Variants in VAT1L observed in about 807,000 individuals in gnomAD.
The protein encoded by VAT1L is vesicle amine transport 1 like, also known as putative NADPH-dependent quinone oxidoreductase VAT1L.
A neutral mutation model predicts 44.1 loss-of-function variants in VAT1L; 34 were observed. That is an observed-to-expected ratio of 0.77 (90% CI 0.59 to 1.03). The LOEUF (loss-of-function observed/expected upper bound fraction) is 1.03. Ranked by LOEUF, VAT1L falls within the 50% of genes least tolerant of loss-of-function variation. The pLI is 0.00. For missense variants in VAT1L, 615 were observed against 538.8 expected (o/e 1.14, Z -1.40); for synonymous variants, 253 against 202.2 (o/e 1.25, Z -2.13).
chr16:77,973,104 A>G (rs1035840556), intron 8 of VAT1L, among the ~76,000 whole-genome samples: 6 of 152,116 alleles, frequency 3.9e-5, no homozygotes, highest in Admixed American at 3.3e-4. Flanking sequence ...AGGAGGAACT[A>G]TGTAGTGGTG....
intron 7 of VAT1L, among the ~76,000 whole-genome samples, chr16:77,939,156 C>T (rs747332642): frequency 2.6e-5 from 4 of 152,210 alleles, no homozygotes; most frequent in Admixed American, 6.5e-5. Flanking sequence ...AAACAGAATT[C>T]GTGACGACCT....
rs763073404 is a variant in VAT1L at position 77,928,817 on chromosome 16, CGTTT to C, written c.1078-43020_1078-43017del. 5.9e-5 allele frequency among the ~76,000 whole-genome samples: 9 copies of C among 151,428 alleles called. No homozygotes were observed. In the South Asian group the frequency reaches 6.3e-4, roughly 11 times the overall value. ...TCACTGTGCCAGTATGCTCTATTTTCGTTTGTTTGTTTGTTTTTGAGATGGAGTC... is the reference window on the plus strand; with the variant it reads ...TCACTGTGCCAGTATGCTCTATTTTCGTTTGTTTGTTTTTGAGATGGAGTC... On this transcript the variant is annotated intron_variant, in intron 7 of 8. Coordinates refer to ENST00000302536, the MANE Select transcript of VAT1L (RefSeq NM_020927.3).
chr16:77,971,690 T>G (rs909778794), intron 7 of VAT1L, among the ~76,000 whole-genome samples, 160 bp from the exon 8 acceptor site: 2 of 152,148 alleles, frequency 1.3e-5, no homozygotes, highest in Admixed American at 6.5e-5. Flanking sequence ...CCAACCAGAA[T>G]GTAGTTGCAC....
At chr16:77,964,437 G>C (rs1364762230) in intron 7 of VAT1L, among the ~76,000 whole-genome samples, 1 of 151,928 alleles carries the variant, frequency 6.6e-6, no homozygotes, top group Non-Finnish European at 1.5e-5. Flanking sequence ...CCCCCAGCAA[G>C]GGCATCACTC....
intron 7 of VAT1L, among the ~76,000 whole-genome samples, chr16:77,915,069 G>A (rs930594468): frequency 6.6e-6 from 1 of 152,068 alleles, no homozygotes; most frequent in South Asian, 2.1e-4. Flanking sequence ...AGGTTGCGGT[G>A]AGCCGAGATT....
chr16:77,918,552 G>A (rs1332455119), intron 7 of VAT1L, among the ~76,000 whole-genome samples: 4 of 152,026 alleles, frequency 2.6e-5, no homozygotes, highest in Non-Finnish European at 5.9e-5. Flanking sequence ...TCATGTCGCT[G>A]TGATCAACAC....
intron 7 of VAT1L, among the ~76,000 whole-genome samples, chr16:77,948,387 T>C (rs1392521301): frequency 1.3e-5 from 2 of 152,120 alleles, no homozygotes; most frequent in African/African-American, 4.8e-5. Context: ...TCCTAGGAAA[T>C]CCAAACCCCT....
intron 7 of VAT1L, among the ~76,000 whole-genome samples, chr16:77,917,302 C>G (rs2142490781): frequency 6.6e-6 from 1 of 152,274 alleles, no homozygotes; most frequent in African/African-American, 2.4e-5. Context: ...CCATCCTGAG[C>G]TCTAAGATGT....
chr16:77,911,720 GT>G (rs1597095224), intron 7 of VAT1L, among the ~76,000 whole-genome samples: 1 of 152,102 alleles, frequency 6.6e-6, no homozygotes, highest in East Asian at 1.9e-4. Context: ...GTCCACACGA[GT>G]GTACACAAGG....
At chr16:77,833,607 T>C (rs1489315682) in intron 3 of VAT1L, among the ~76,000 whole-genome samples, 1 of 151,912 alleles carries the variant, frequency 6.6e-6, no homozygotes, top group Admixed American at 6.6e-5. Flanking sequence ...AAAAATTAGC[T>C]GGGCATGGTG....
chr16:77,894,567 T>C (rs1160388533), intron 7 of VAT1L, among the ~76,000 whole-genome samples: 1 of 151,986 alleles, frequency 6.6e-6, no homozygotes, highest in Non-Finnish European at 1.5e-5. Flanking sequence ...TTGGAGAGAA[T>C]GGAGAGGAAC....
chr16:77,842,163 A>T (rs2016713974), intron 3 of VAT1L, among the ~76,000 whole-genome samples: 1 of 152,226 alleles, frequency 6.6e-6, no homozygotes, highest in South Asian at 2.1e-4. Flanking sequence ...CTGGGATTAC[A>T]GGCGTGAGCC....
intron 1 of VAT1L, among the ~76,000 whole-genome samples, chr16:77,797,700 A>C (rs976625669): frequency 2.0e-5 from 3 of 152,054 alleles, no homozygotes; most frequent in African/African-American, 7.2e-5. Context: ...AGCAGAGCTC[A>C]CCCAGGCATG....
intron 7 of VAT1L, among the ~76,000 whole-genome samples, chr16:77,934,800 G>C (rs1241910764): frequency 6.6e-6 from 1 of 152,132 alleles, no homozygotes; most frequent in Non-Finnish European, 1.5e-5. Context: ...GATATATTGA[G>C]TTTCACTAAC....
chr16:77,946,913 T>C (rs1236460633), intron 7 of VAT1L, among the ~76,000 whole-genome samples: 1 of 152,218 alleles, frequency 6.6e-6, no homozygotes, highest in South Asian at 2.1e-4. Context: ...CTAGTTGGCC[T>C]CTGAGCAGGA....
chr16:77,854,553 A>G (rs1456834007), intron 3 of VAT1L, among the ~76,000 whole-genome samples: 1 of 152,234 alleles, frequency 6.6e-6, no homozygotes, highest in African/African-American at 2.4e-5. Flanking sequence ...TATTGTTGTA[A>G]GAAAAACGTA....
At chr16:77,855,068 G>A (rs767992969) in intron 3 of VAT1L, among the ~76,000 whole-genome samples, 2 of 152,150 alleles carry the variant, frequency 1.3e-5, no homozygotes, top group African/African-American at 2.4e-5. Context: ...ACCGCTGGGC[G>A]TGCTGTTTCA....
chr16:77,842,211 TG>T (rs1477466056), intron 3 of VAT1L, among the ~76,000 whole-genome samples: 1 of 152,198 alleles, frequency 6.6e-6, no homozygotes. Context: ...AAAACCAGTC[TG>T]GTTGCTCTTT....
At chr16:77,851,860 TGTC>T (rs1452095517) in intron 3 of VAT1L, among the ~76,000 whole-genome samples, 3 of 152,122 alleles carry the variant, frequency 2.0e-5, no homozygotes, top group Non-Finnish European at 2.9e-5. Context: ...AAGTCCATAT[TGTC>T]GTGTTTCCCC....
Sources: allele counts gnomAD v4.1 joint callset (sites outside exome capture counted in the v4.1 genomes callset), GRCh38; gene constraint gnomAD v4.1.1; transcripts MANE v1.5; gene names NCBI Gene and HGNC (gene_info 2026-07-23, HGNC 2026-07-21).